Variants in MAGI2 observed in about 807,000 individuals in gnomAD.
MAGI2 encodes membrane associated guanylate kinase, WW and PDZ domain containing 2.
Under a neutral mutation model 133.3 loss-of-function variants are expected in MAGI2, and 35 were observed. That is an observed-to-expected ratio of 0.26 (90% CI 0.20 to 0.35). MAGI2 has a LOEUF of 0.35. Ranked by LOEUF, MAGI2 falls within the 10% of genes least tolerant of loss-of-function variation. The probability of loss-of-function intolerance (pLI) is 1.00; values close to 1 mark genes in which losing one functional copy is unlikely to be tolerated. For synonymous variants in MAGI2, 729 were observed against 710.6 expected (o/e 1.03, Z -0.41); for missense variants, 1,636 against 1,863.4 (o/e 0.88, Z 2.25).
chr7:78,731,538 G>C (rs572165954), intron 2 of MAGI2, among the ~76,000 whole-genome samples: 2 of 152,112 alleles, frequency 1.3e-5, no homozygotes, highest in African/African-American at 4.8e-5. Context: ...TATACTAGCT[G>C]GTTGAAGGAG....
intron 6 of MAGI2, among the ~76,000 whole-genome samples, chr7:78,455,462 A>G (rs59417246): frequency 0.14 from 21,422 of 152,172 alleles, 1,747 homozygotes; most frequent in East Asian, 0.34. Context: ...TGTAGACAGA[A>G]TAAGACCATC....
At position 78,391,425 on chromosome 7, in the gene MAGI2, G is replaced by C. The variant is rs887852432; in HGVS notation, c.1046-22212C>G. Reference sequence around the variant, plus strand: ...TGATAAGGAAATATGGATATATTTGGAAGCCTATTTCATTTTATTTGAATT... The same window carrying C: ...TGATAAGGAAATATGGATATATTTGCAAGCCTATTTCATTTTATTTGAATT... On this transcript the variant is annotated intron_variant, in intron 6 of 21. Coordinates refer to ENST00000354212, the MANE Select transcript of MAGI2 (RefSeq NM_012301.4). Among the ~76,000 whole-genome samples the C allele has an allele frequency of 8.5e-5, 13 of 152,126 alleles. 1 individual carries two copies. The highest frequency in any genetic ancestry group is 2.2e-4 in the African/African-American group (9 of 41,426).
At chr7:78,885,140 A>C (rs1346735505) in intron 2 of MAGI2, among the ~76,000 whole-genome samples, 1 of 152,124 alleles carries the variant, frequency 6.6e-6, no homozygotes, top group Non-Finnish European at 1.5e-5. Context: ...AACAACACAC[A>C]CTGGGGACTA....
At chr7:79,156,661 G>C (rs553375463) in intron 1 of MAGI2, among the ~76,000 whole-genome samples, 10 of 152,178 alleles carry the variant, frequency 6.6e-5, no homozygotes, top group Non-Finnish European at 1.3e-4. Flanking sequence ...AAACATATTT[G>C]ATTGATGTCT....
chr7:79,237,153 C>T (rs1390366697), intron 1 of MAGI2, among the ~76,000 whole-genome samples: 1 of 152,222 alleles, frequency 6.6e-6, no homozygotes, highest in East Asian at 1.9e-4. Flanking sequence ...AATGATAATA[C>T]ATTAAAATGG....
intron 2 of MAGI2, among the ~76,000 whole-genome samples, chr7:78,976,373 A>T (rs1241714143): frequency 6.6e-6 from 1 of 151,564 alleles, no homozygotes; most frequent in Non-Finnish European, 1.5e-5. Context: ...ACAAAATACA[A>T]CATCTATTCA....
intron 2 of MAGI2, among the ~76,000 whole-genome samples, chr7:78,639,917 C>T (rs1472777724): frequency 6.6e-6 from 1 of 152,122 alleles, no homozygotes; most frequent in Non-Finnish European, 1.5e-5. Context: ...ACATAAGTAT[C>T]CAGATTTTCA....
chr7:79,158,201 A>C (rs546689181), intron 1 of MAGI2, among the ~76,000 whole-genome samples: 1 of 152,158 alleles, frequency 6.6e-6, no homozygotes, highest in Non-Finnish European at 1.5e-5. Context: ...TAGAAGTCTA[A>C]GAAAGAAAAG....
At chr7:78,526,525 TTC>T (rs1238136913) in intron 3 of MAGI2, among the ~76,000 whole-genome samples, 1 of 152,208 alleles carries the variant, frequency 6.6e-6, no homozygotes, top group African/African-American at 2.4e-5. Context: ...GTCCCCTTAA[TTC>T]TGTGATATTT....
chr7:79,296,528 T>C (rs1836943467), intron 1 of MAGI2, among the ~76,000 whole-genome samples: 1 of 152,118 alleles, frequency 6.6e-6, no homozygotes, highest in East Asian at 1.9e-4. Context: ...ATCCTATCAT[T>C]TGTGGCAACA....
At chr7:78,120,439 A>C (rs1820323355) in intron 20 of MAGI2, among the ~76,000 whole-genome samples, 1 of 152,104 alleles carries the variant, frequency 6.6e-6, no homozygotes, top group South Asian at 2.1e-4. Flanking sequence ...GAAAATTCTA[A>C]AATTATATGG....
At chr7:79,175,875 G>A (rs1440198687) in intron 1 of MAGI2, among the ~76,000 whole-genome samples, 1 of 151,954 alleles carries the variant, frequency 6.6e-6, no homozygotes, top group African/African-American at 2.4e-5. Context: ...GCACATGACT[G>A]TACAATTAAG....
At chr7:78,322,623 TA>T (rs1238309810) in intron 9 of MAGI2, among the ~76,000 whole-genome samples, 4 of 151,794 alleles carry the variant, frequency 2.6e-5, no homozygotes, top group South Asian at 4.2e-4. Context: ...GATGGGGGGA[TA>T]GGGGAGGGAT....
chr7:78,965,052 A>C (rs1803185987), intron 2 of MAGI2, among the ~76,000 whole-genome samples: 1 of 151,804 alleles, frequency 6.6e-6, no homozygotes, highest in Non-Finnish European at 1.5e-5. Flanking sequence ...TCTTTTCTAT[A>C]GCAATTGTTT....
At chr7:78,670,882 T>A (rs1024674250) in intron 2 of MAGI2, among the ~76,000 whole-genome samples, 14 of 152,194 alleles carry the variant, frequency 9.2e-5, no homozygotes, top group African/African-American at 3.4e-4. Flanking sequence ...TTAAAAATTT[T>A]ATAAAAATGC....
intron 2 of MAGI2, among the ~76,000 whole-genome samples, chr7:78,787,954 A>G (rs1308887617): frequency 6.6e-6 from 1 of 152,224 alleles, no homozygotes; most frequent in Non-Finnish European, 1.5e-5. Flanking sequence ...TCCTCAAGAA[A>G]TGATTATAAC....
chr7:78,036,207 G>A (rs2151073768), intron 21 of MAGI2, among the ~76,000 whole-genome samples: 1 of 152,276 alleles, frequency 6.6e-6, no homozygotes, highest in East Asian at 1.9e-4. Flanking sequence ...TTGAAATCTA[G>A]AGTGAGGCAG....
intron 1 of MAGI2, among the ~76,000 whole-genome samples, chr7:79,392,032 C>G (rs192297757): frequency 1.3e-5 from 2 of 152,048 alleles, no homozygotes; most frequent in African/African-American, 4.8e-5. Flanking sequence ...CGACAGGCCC[C>G]GGTGTGTGAT....
At chr7:78,380,201 C>A (rs1053966032) in intron 6 of MAGI2, among the ~76,000 whole-genome samples, 2 of 151,222 alleles carry the variant, frequency 1.3e-5, no homozygotes, top group African/African-American at 4.9e-5. Context: ...AAAAATTGTA[C>A]AAAATAGACT....
Sources: gnomAD v4.1 joint callset for allele counts (sites outside exome capture counted in the v4.1 genomes callset) on GRCh38, gnomAD v4.1.1 for gene constraint, MANE v1.5 for transcripts, NCBI Gene and HGNC (gene_info 2026-07-23, HGNC 2026-07-21) for gene names.